The following CYP7B1 variants were observed in gnomAD, a reference collection of about 807,000 sequenced individuals.
CYP7B1 encodes cytochrome P450 family 7 subfamily B member 1.
Under a neutral mutation model 42.7 loss-of-function variants are expected in CYP7B1, and 29 were observed. The observed-to-expected ratio is 0.68, with a 90% CI of 0.51 to 0.93. The LOEUF (loss-of-function observed/expected upper bound fraction) is 0.93, where lower values mean the gene tolerates loss of function less well. Among genes scored for constraint, CYP7B1 ranks in the 40% least tolerant of loss-of-function variants. The probability of loss-of-function intolerance (pLI) is 0.00; values close to 1 mark genes in which losing one functional copy is unlikely to be tolerated. For synonymous variants in CYP7B1, 235 were observed against 218.2 expected (o/e 1.08, Z -0.68); for missense variants, 655 against 600.5 (o/e 1.09, Z -0.95).
intron 2 of CYP7B1, among the ~76,000 whole-genome samples, 155 bp downstream of exon 2, chr8:64,624,248 G>C (rs1218416065): frequency 1.3e-5 from 2 of 151,710 alleles, no homozygotes; most frequent in Non-Finnish European, 2.9e-5. Flanking sequence ...GAGGATCACT[G>C]AACTAAAAAT....
Position 64,604,824 on chromosome 8 carries a change from G to C in CYP7B1, c.1091C>G (p.Ser364Ter), listed in dbSNP as rs770065565. 4.3e-6 allele frequency: 7 copies of C among 1,614,028 alleles called. No individual in the cohort carries two copies. The South Asian group carries it at 7.7e-5, about 18-fold the overall frequency. The change falls in exon 5 of 6, where the codon TCA becomes TGA. Residue 364 changes from serine (S) to a stop codon, truncating the protein, a stop_gained. Transcript: ENST00000310193. LOFTEE classifies it high-confidence loss of function. Reference sequence around the variant, plus strand: ...AACAAAACGAATGGTGGTTGAATATGAGGACAGTCGTAAAGCTTCAAAAAT... The same window carrying C: ...AACAAAACGAATGGTGGTTGAATATCAGGACAGTCGTAAAGCTTCAAAAAT... ...SSIFEALRLS[S>*]YSTTIRFVEE...
intron 1 of CYP7B1, among the ~76,000 whole-genome samples, chr8:64,696,508 C>T (rs1447578416): frequency 6.6e-6 from 1 of 152,102 alleles, no homozygotes; most frequent in East Asian, 1.9e-4. Flanking sequence ...ACCCTGAGAA[C>T]CAGGAAGCTC....
At chr8:64,599,386 C>T (rs962377343) in intron 5 of CYP7B1, among the ~76,000 whole-genome samples, 2 of 152,114 alleles carry the variant, frequency 1.3e-5, no homozygotes, top group African/African-American at 4.8e-5. Flanking sequence ...GATGGGGTTT[C>T]ACCGCGTTAA....
At chr8:64,703,333 A>G (rs532625383) in intron 1 of CYP7B1, among the ~76,000 whole-genome samples, 3 of 152,120 alleles carry the variant, frequency 2.0e-5, no homozygotes, top group African/African-American at 7.2e-5. Context: ...GCTTAATTAT[A>G]CATAAAACGG....
chr8:64,761,164 T>C (rs185878891), intron 1 of CYP7B1, among the ~76,000 whole-genome samples: 305 of 152,204 alleles, frequency 2.0e-3, no homozygotes, highest in African/African-American at 7.0e-3. Flanking sequence ...GAGAGTAGAA[T>C]GGTAGTTGCT....
intron 5 of CYP7B1, among the ~76,000 whole-genome samples, chr8:64,601,690 T>C (rs549195563): frequency 2.0e-5 from 3 of 152,330 alleles, no homozygotes; most frequent in African/African-American, 4.8e-5. Context: ...TTGTAAGATA[T>C]TGTGTTTTAA....
chr8:64,618,320 G>T (rs1003918013), intron 2 of CYP7B1, among the ~76,000 whole-genome samples: 1 of 151,826 alleles, frequency 6.6e-6, no homozygotes, highest in East Asian at 1.9e-4. Flanking sequence ...TATCTTTGGG[G>T]TTATTTTAAA....
Position 64,665,436 on chromosome 8 carries a change from A to G in CYP7B1, c.123-40897T>C, listed in dbSNP as rs555854787. Reference sequence around the variant, plus strand: ...AATGCTGGAGGAGTGCATTCAAAGAAAGGAGAATGTCAACACTTAACGAGC... The same window carrying G: ...AATGCTGGAGGAGTGCATTCAAAGAGAGGAGAATGTCAACACTTAACGAGC... On this transcript the variant is annotated intron_variant, in intron 1 of 5. Coordinates refer to ENST00000310193, the MANE Select transcript of CYP7B1 (RefSeq NM_004820.5). 5.2e-4 allele frequency among the ~76,000 whole-genome samples: 79 copies of G among 152,248 alleles called. 1 individual carries two copies. Among genetic ancestry groups the G allele is most frequent in the African/African-American group, 1.6e-3 (68 of 41,550 alleles).
chr8:64,732,933 A>G (rs1325320985), intron 1 of CYP7B1: 1 of 152,402 alleles, frequency 6.6e-6, no homozygotes. Flanking sequence ...AGGTCTCCCC[A>G]GTTGTGCTAA....
chr8:64,759,572 T>C (rs900743837), intron 1 of CYP7B1, among the ~76,000 whole-genome samples: 1 of 151,950 alleles, frequency 6.6e-6, no homozygotes, highest in African/African-American at 2.4e-5. Context: ...CGATAAATTA[T>C]TTTTTTTAAT....
At chr8:64,698,332 A>T (rs187418873) in intron 1 of CYP7B1, among the ~76,000 whole-genome samples, 11 of 150,342 alleles carry the variant, frequency 7.3e-5, no homozygotes, top group South Asian at 2.1e-4. Flanking sequence ...CTCCAGCAGC[A>T]GGGGGGGGAA....
intron 2 of CYP7B1, among the ~76,000 whole-genome samples, chr8:64,618,590 T>C (rs6992075): frequency 6.2e-4 from 24 of 38,844 alleles, no homozygotes; most frequent in Non-Finnish European, 1.2e-3. Context: ...CTCTCTCTCT[T>C]TCTCTCTCTC....
intron 1 of CYP7B1, among the ~76,000 whole-genome samples, chr8:64,739,736 C>T (rs189838146): frequency 9.2e-5 from 14 of 152,218 alleles, no homozygotes; most frequent in Admixed American, 3.9e-4. Context: ...AAGTGGTTCT[C>T]CTGAATATTC....
chr8:64,660,527 ATCC>A lies in CYP7B1; in HGVS notation c.123-35991_123-35989del, dbSNP rs756803872. On this transcript the variant is annotated intron_variant, in intron 1 of 5. Coordinates refer to ENST00000310193, the MANE Select transcript of CYP7B1 (RefSeq NM_004820.5). ...TTGTAGGCCTTTGTTGCAGGTCTCA[ATCC>A]TTTGAAACCAAATAGCCCTCTCCAC... 8.5e-5 allele frequency among the ~76,000 whole-genome samples: 13 copies of A among 152,300 alleles called. 1 individual carries two copies. Among genetic ancestry groups the A allele is most frequent in the Non-Finnish European group, 1.6e-4 (11 of 68,012 alleles).
chr8:64,797,738 A>G (rs1193699488), intron 1 of CYP7B1, among the ~76,000 whole-genome samples: 3 of 152,232 alleles, frequency 2.0e-5, no homozygotes, highest in African/African-American at 7.2e-5. Context: ...CTCAAAAGCG[A>G]TGAACACCAG....
chr8:64,776,790 A>G (rs1391660521), intron 1 of CYP7B1, among the ~76,000 whole-genome samples: 1 of 152,078 alleles, frequency 6.6e-6, no homozygotes, highest in East Asian at 1.9e-4. Flanking sequence ...CTTTAATTCC[A>G]GAGATACCCT....
At chr8:64,590,193 G>A (rs1805015956), downstream of CYP7B1, among the ~76,000 whole-genome samples, 1 of 152,148 alleles carries the variant, frequency 6.6e-6, no homozygotes, top group African/African-American at 2.4e-5. Context: ...GAGCTGACTA[G>A]TTCAAATGAA....
intron 1 of CYP7B1, among the ~76,000 whole-genome samples, chr8:64,777,055 T>C (rs1282202688): frequency 6.6e-6 from 1 of 152,028 alleles, no homozygotes; most frequent in East Asian, 1.9e-4. Flanking sequence ...TGCTTTTTTC[T>C]TGTTAATATA....
intron 1 of CYP7B1, among the ~76,000 whole-genome samples, chr8:64,636,911 A>T (rs1197023956): frequency 6.6e-6 from 1 of 152,238 alleles, no homozygotes; most frequent in Admixed American, 6.5e-5. Flanking sequence ...TGAGATGATC[A>T]GTTGTTAATT....
Sources: gnomAD v4.1 joint callset for allele counts (sites outside exome capture counted in the v4.1 genomes callset) on GRCh38, gnomAD v4.1.1 for gene constraint, MANE v1.5 for transcripts, NCBI Gene and HGNC (gene_info 2026-07-23, HGNC 2026-07-21) for gene names.